The following RABGAP1L variants were observed in gnomAD, a reference collection of about 807,000 sequenced individuals.
RABGAP1L encodes the protein RAB GTPase activating protein 1 like.
RABGAP1L carries 63 observed loss-of-function variants against 137.7 expected under a neutral mutation model. The ratio of observed to expected loss-of-function variants is 0.46; its 90% CI spans 0.37 to 0.56. The LOEUF (loss-of-function observed/expected upper bound fraction) is 0.56. Ranked by LOEUF, RABGAP1L falls within the 20% of genes least tolerant of loss-of-function variation. The pLI, the probability that RABGAP1L is intolerant of heterozygous loss-of-function variation, is 0.00. For synonymous variants in RABGAP1L, 431 were observed against 433.7 expected (o/e 0.99, Z 0.08); for missense variants, 1,095 against 1,244.0 (o/e 0.88, Z 1.80).
At chr1:174,549,878 T>G (rs1275632685) in intron 13 of RABGAP1L, among the ~76,000 whole-genome samples, 1 of 152,106 alleles carries the variant, frequency 6.6e-6, no homozygotes, top group African/African-American at 2.4e-5. Context: ...TTATGACAGC[T>G]GAGAGTAAGC....
Position 174,940,619 on chromosome 1 carries a change from C to T in RABGAP1L, c.2341-16838C>T, listed in dbSNP as rs369806790. On this transcript the variant is annotated intron_variant, in intron 19 of 25. Transcript: ENST00000681986. ...ATCTTCCCTTCTACTTTAGCATATACATGATTTCCAGATTCATATTTGTAA... is the reference window on the plus strand; with the variant it reads ...ATCTTCCCTTCTACTTTAGCATATATATGATTTCCAGATTCATATTTGTAA... 3.3e-5 allele frequency among the ~76,000 whole-genome samples: 5 copies of T among 152,220 alleles called. No individual in the cohort carries two copies. In the East Asian group the frequency reaches 7.7e-4, roughly 23 times the overall value.
chr1:174,546,884 G>T (rs1246341073), intron 13 of RABGAP1L, among the ~76,000 whole-genome samples: 1 of 151,322 alleles, frequency 6.6e-6, no homozygotes, highest in African/African-American at 2.4e-5. Context: ...CAAAAAATTA[G>T]CCGGGCGTGG....
chr1:174,493,558 G>A (rs1318506908), intron 13 of RABGAP1L, among the ~76,000 whole-genome samples: 1 of 151,948 alleles, frequency 6.6e-6, no homozygotes, highest in Non-Finnish European at 1.5e-5. Flanking sequence ...GGTGGTTCAT[G>A]CGTGTAATCC....
At chr1:174,168,135 T>C (rs1934681) in intron 1 of RABGAP1L, among the ~76,000 whole-genome samples, 44,661 of 151,598 alleles carry the variant, frequency 0.29, 6,994 homozygotes, top group African/African-American at 0.37. Context: ...TGTGGTGGTG[T>C]GTGCCTGTAG....
intron 10 of RABGAP1L, among the ~76,000 whole-genome samples, chr1:174,288,914 TA>T (rs1676321116): frequency 6.6e-6 from 1 of 152,220 alleles, no homozygotes; most frequent in Non-Finnish European, 1.5e-5. Flanking sequence ...TTTGCTTCTC[TA>T]ACTGGATAAT....
intron 11 of RABGAP1L, among the ~76,000 whole-genome samples, chr1:174,361,416 A>G (rs1684136020): frequency 6.6e-6 from 1 of 152,130 alleles, no homozygotes; most frequent in South Asian, 2.1e-4. Context: ...ATCCATGAAC[A>G]TGAAATATAT....
intron 14 of RABGAP1L, among the ~76,000 whole-genome samples, chr1:174,681,094 G>A (rs1678030445): frequency 6.6e-6 from 1 of 152,192 alleles, no homozygotes; most frequent in African/African-American, 2.4e-5. Context: ...GAAGCAAGGG[G>A]TGCTCTCATA....
At chr1:174,629,597 A>T (rs1673175721) in intron 13 of RABGAP1L, among the ~76,000 whole-genome samples, 1 of 152,098 alleles carries the variant, frequency 6.6e-6, no homozygotes, top group East Asian at 1.9e-4. Flanking sequence ...ATCTCGGCTC[A>T]CTGCAACCTC....
At chr1:174,265,367 T>A (rs1673972473) in intron 7 of RABGAP1L, among the ~76,000 whole-genome samples, 2 of 152,132 alleles carry the variant, frequency 1.3e-5, no homozygotes, top group Admixed American at 1.3e-4. Context: ...CTTGTTATAA[T>A]CATTTTTAAT....
intron 19 of RABGAP1L, among the ~76,000 whole-genome samples, chr1:174,864,633 C>A (rs1422644553): frequency 1.3e-5 from 2 of 152,182 alleles, no homozygotes; most frequent in East Asian, 3.9e-4. Flanking sequence ...GATCTGGTCA[C>A]CTCCCATGAG....
At chr1:174,555,356 A>C (rs1242443422) in intron 13 of RABGAP1L, among the ~76,000 whole-genome samples, 1 of 152,224 alleles carries the variant, frequency 6.6e-6, no homozygotes, top group Non-Finnish European at 1.5e-5. Context: ...TAGACAGAAT[A>C]CCCATCATTA....
intron 13 of RABGAP1L, among the ~76,000 whole-genome samples, chr1:174,487,432 G>C (rs1258921953): frequency 6.6e-6 from 1 of 151,866 alleles, no homozygotes; most frequent in Admixed American, 6.6e-5. Context: ...TTGTCTATTA[G>C]AACTATAACT....
chr1:174,438,744 G>GCATATA (rs1553302950), intron 13 of RABGAP1L, among the ~76,000 whole-genome samples: 38 of 95,456 alleles, frequency 4.0e-4, no homozygotes, highest in South Asian at 3.8e-3. Context: ...GTGTGTGTGT[G>GCATATA]TATATATATA....
chr1:174,693,495 T>C (rs1679022188), intron 15 of RABGAP1L, among the ~76,000 whole-genome samples: 2 of 152,236 alleles, frequency 1.3e-5, no homozygotes, highest in Admixed American at 1.3e-4. Flanking sequence ...TTGTCTGTGC[T>C]CTTGAACTAT....
At chr1:174,440,658 C>G (rs943341657) in intron 13 of RABGAP1L, among the ~76,000 whole-genome samples, 2 of 152,284 alleles carry the variant, frequency 1.3e-5, no homozygotes, top group African/African-American at 2.4e-5. Context: ...TCACTGTAAG[C>G]AATTCTCATG....
At chr1:174,206,393 A>AT (rs1232888171) in intron 1 of RABGAP1L, among the ~76,000 whole-genome samples, 1 of 151,986 alleles carries the variant, frequency 6.6e-6, no homozygotes, top group Non-Finnish European at 1.5e-5. Context: ...AGTCATGGTA[A>AT]TTTTTTCCTG....
intron 13 of RABGAP1L, among the ~76,000 whole-genome samples, chr1:174,630,797 G>T (rs1673313789): frequency 1.4e-5 from 2 of 142,132 alleles, no homozygotes; most frequent in African/African-American, 5.3e-5. Flanking sequence ...TTCTTTATTA[G>T]TCTTGCTAGT....
At chr1:174,922,879 A>G (rs754489385) in intron 19 of RABGAP1L, among the ~76,000 whole-genome samples, 5 of 152,208 alleles carry the variant, frequency 3.3e-5, no homozygotes, top group African/African-American at 9.6e-5. Flanking sequence ...AATGTAGCCA[A>G]TTATAGAGGA....
In RABGAP1L at chr1:174,296,944, G is replaced by A. The variant is rs574028602; in HGVS notation, c.1324-8042G>A. On this transcript the variant is annotated intron_variant, in intron 10 of 25. Coordinates refer to ENST00000681986, the MANE Select transcript of RABGAP1L (RefSeq NM_001366446.1). ...AAATAAAAAACAAGTACCTTTTTAA[G>A]TATTTGTTTTGTTTTGGTTTGCTTT... Among the ~76,000 whole-genome samples the A allele has an allele frequency of 3.8e-4, 58 of 152,260 alleles. No homozygotes were observed. The South Asian group carries it at 9.7e-3, about 26-fold the overall frequency.
Sources: allele counts gnomAD v4.1 joint callset (sites outside exome capture counted in the v4.1 genomes callset), GRCh38; gene constraint gnomAD v4.1.1; transcripts MANE v1.5; gene names NCBI Gene and HGNC (gene_info 2026-07-23, HGNC 2026-07-21).